USF3: variants seen among roughly 807,000 people sequenced by gnomAD.
The protein encoded by USF3 is upstream transcription factor family member 3.
A neutral mutation model predicts 157.5 loss-of-function variants in USF3; 29 were observed. That is an observed-to-expected ratio of 0.18 (90% CI 0.14 to 0.25). The LOEUF (loss-of-function observed/expected upper bound fraction) is 0.25. USF3 is among the 10% of genes least tolerant of loss of function. The probability of loss-of-function intolerance (pLI) is 1.00; values close to 1 mark genes in which losing one functional copy is unlikely to be tolerated. For synonymous variants in USF3, 893 were observed against 941.4 expected (o/e 0.95, Z 0.94); for missense variants, 2,381 against 2,667.6 (o/e 0.89, Z 2.37).
At chr3:113,675,111 G>A (rs1038350496) in intron 2 of USF3, among the ~76,000 whole-genome samples, 20 of 152,204 alleles carry the variant, frequency 1.3e-4, no homozygotes, top group Non-Finnish European at 5.9e-5. Flanking sequence ...TATCAAATGT[G>A]AGGTATAGCC....
rs1292632476 is a variant in USF3 at position 113,652,514 on chromosome 3, CT to C, written c.*2429del. 1 of 150,990 alleles carries C rather than the reference CT, an allele frequency of 6.6e-6. No homozygotes were observed. Among genetic ancestry groups the C allele is most frequent in the East Asian group, 2.0e-4 (1 of 5,118 alleles). The allele number at this position is 150,990 out of a possible 1,614,324, so 9.4% of individuals were successfully genotyped here. ...TGTATATTTTTTTGTCCCTAGGAAGCTGCTTAGTTGGCAGCAGAAAAGAGAC... is the reference window on the plus strand; with the variant it reads ...TGTATATTTTTTTGTCCCTAGGAAGCGCTTAGTTGGCAGCAGAAAAGAGAC... On this transcript the variant is annotated 3_prime_UTR_variant, in exon 7 of 7. Transcript: ENST00000316407.
In USF3 at chr3:113,649,352, C is replaced by T. The variant is rs1376797461; in HGVS notation, c.*5592G>A. 6.5e-6 allele frequency: 1 copy of T among 153,674 alleles called. No homozygotes were observed. Among genetic ancestry groups the T allele is most frequent in the Admixed American group, 6.5e-5 (1 of 15,320 alleles). The allele number at this position is 153,674 out of a possible 1,614,324, so 9.5% of individuals were successfully genotyped here. The stretch of plus-strand genomic sequence containing the variant: ...TATATTATGTCCAATGTTTACAACC[C>T]AAGTTGGCTCACGTTTATGAAGCAT... On this transcript the variant is annotated 3_prime_UTR_variant, in exon 7 of 7. Coordinates refer to ENST00000316407, the MANE Select transcript of USF3 (RefSeq NM_001009899.4).
chr3:113,658,781 A>C lies in USF3; in HGVS notation c.2901T>G (p.Thr967=), dbSNP rs762997835. The C allele has an allele frequency of 2.5e-6, 4 of 1,614,146 alleles. No homozygotes were observed. ...CCTCAGAAACACAGTCAGTACTTGT[A>C]GTGCTTGTTGTAGATGACAAACCAG... is the stretch of plus-strand genomic sequence containing the variant. The part of the protein sequence containing the change: ...QVPGLSSTTS[T]TSTDCVSEVE... Residue 967 remains threonine, a synonymous_variant, in exon 7 of 7, where the codon ACT becomes ACG. Transcript: ENST00000316407.
At chr3:113,668,977 C>G (rs1320225818) in intron 5 of USF3, among the ~76,000 whole-genome samples, 2 of 151,998 alleles carry the variant, frequency 1.3e-5, no homozygotes, top group Non-Finnish European at 2.9e-5. Flanking sequence ...TTACAGAAAA[C>G]TCTACTAAGA....
rs1332648440 is a variant in USF3, at chr3:113,657,123, T to G, written c.4559A>C (p.Gln1520Pro). 2 of 1,614,162 alleles carry G rather than the reference T, an allele frequency of 1.2e-6. No homozygotes were observed. Among genetic ancestry groups the G allele is most frequent in the African/African-American group, 1.3e-5 (1 of 75,046 alleles). The change falls in exon 7 of 7, where the codon CAG becomes CCG. Residue 1520 changes from glutamine (Q) to proline (P), a missense_variant. By Grantham distance (76) the Gln-to-Pro change is moderately conservative (BLOSUM62 -1). Around this residue, in one of 6 missense-constraint regions of USF3, gnomAD observed 50 missense variants for 79.7 expected, o/e 0.63. Transcript: ENST00000316407. ...AACAAGATTCCTCTTTTTCTGCATC[T>G]GAACTTCCTGTTGCAGAGTCCTCTG... is the stretch of plus-strand genomic sequence containing the variant. The part of the protein sequence containing the change: ...HQQRTLQQEV[Q>P]MQKKRNLVQG...
intron 1 of USF3, among the ~76,000 whole-genome samples, chr3:113,679,706 G>A (rs936610928): frequency 3.3e-5 from 5 of 152,004 alleles, no homozygotes; most frequent in Admixed American, 6.6e-5. Context: ...AAGCCACCAC[G>A]CCCAGCCTCA....
At position 113,656,463 on chromosome 3, in the gene USF3, C is replaced by T. The variant is rs769580250; in HGVS notation, c.5219G>A (p.Ser1740Asn). 1.9e-6 allele frequency: 3 copies of T among 1,614,214 alleles called. No homozygotes were observed. Among genetic ancestry groups the T allele is most frequent in the Non-Finnish European group, 1.7e-6 (2 of 1,180,038 alleles). The change falls in exon 7 of 7, where the codon AGT (serine) becomes AAT (asparagine). Residue 1740 changes from serine (S) to asparagine (N), a missense_variant. This residue lies in a region of USF3 where 770 missense variants were observed against 824.2 expected (regional missense o/e 0.93). Transcript: ENST00000316407. ...RLSDCQTFKP[S>N]GASQQPQSNF... ...ACTCTGGGGCTGTTGACTAGCTCCA[C>T]TTGGTTTAAACGTCTGACAATCAGA...
Position 113,655,666 on chromosome 3 carries a change from C to T in USF3, c.6016G>A (p.Val2006Ile), listed in dbSNP as rs9863796. The stretch of plus-strand genomic sequence containing the variant: ...AGATGGGGAAGACTTGGATCAAAGA[C>T]AGTACTTTGCCTTTGGTTTCCAGAA... The part of the protein sequence containing the change: ...NRSGNQRQST[V>I]FDPSLPHLPL... The change falls in exon 7 of 7, where the codon GTC (valine) becomes ATC (isoleucine). Residue 2006 changes from valine (V) to isoleucine (I), a missense_variant. This residue lies in a region of USF3 where 770 missense variants were observed against 824.2 expected (regional missense o/e 0.93). Transcript: ENST00000316407. 2.5e-6 allele frequency: 4 copies of T among 1,613,954 alleles called. No homozygotes were observed. The highest frequency in any genetic ancestry group is 1.3e-5 in the African/African-American group (1 of 74,924).
At chr3:113,686,154 C>T (rs1005554996) in intron 1 of USF3, among the ~76,000 whole-genome samples, 1 of 152,190 alleles carries the variant, frequency 6.6e-6, no homozygotes, top group African/African-American at 2.4e-5. Flanking sequence ...CTAGCTGGAA[C>T]TCATGTTCCA....
rs776387420 is a variant in USF3 at position 113,655,097 on chromosome 3, T to A, written c.6585A>T (p.Pro2195=). ...LSNFNMTSLF[P]EIATALPDGS... is the part of the protein sequence containing the mutation. ...CATCAGGAAGCGCTGTGGCTATTTCTGGAAACAAAGATGTCATATTAAAAT... is the reference window on the plus strand; with the variant it reads ...CATCAGGAAGCGCTGTGGCTATTTCAGGAAACAAAGATGTCATATTAAAAT... Residue 2195 remains proline, a synonymous_variant, in exon 7 of 7, where the codon CCA becomes CCT. Coordinates refer to ENST00000316407, the MANE Select transcript of USF3 (RefSeq NM_001009899.4). 5 of 1,614,104 alleles carry A rather than the reference T, an allele frequency of 3.1e-6. No individual in the cohort carries two copies. Among genetic ancestry groups the A allele is most frequent in the Non-Finnish European group, 4.2e-6 (5 of 1,180,040 alleles).
intron 1 of USF3, among the ~76,000 whole-genome samples, chr3:113,678,288 T>C (rs1020698699): frequency 6.6e-6 from 1 of 152,118 alleles, no homozygotes; most frequent in African/African-American, 2.4e-5. Context: ...TAATTTCACA[T>C]ATAATTAAGG....
At position 113,658,188 on chromosome 3, in the gene USF3, G is replaced by A. The variant is rs1034422165; in HGVS notation, c.3494C>T (p.Ser1165Phe). ...ADIREVASKP[S>F]EASLLEGDPP... ...GTCTCCCTCTAACAATGATGCTTCA[G>A]AAGGCTTTGAAGCAACTTCCCTTAT... The change falls in exon 7 of 7, where the codon TCT becomes TTT. Residue 1165 changes from serine to phenylalanine, a missense_variant. Transcript: ENST00000316407. 6.2e-7 allele frequency: 1 copy of A among 1,614,142 alleles called. No homozygotes were observed.
rs569314027 is a variant in USF3, at chr3:113,649,181, G to A, written c.*5763C>T. On this transcript the variant is annotated 3_prime_UTR_variant, in exon 7 of 7. Coordinates refer to ENST00000316407, the MANE Select transcript of USF3 (RefSeq NM_001009899.4). ...CTATGACATAGTACGGTGTTAGTAT[G>A]GTGTATAGCTGTATACACAACTGAG... is the stretch of plus-strand genomic sequence containing the variant. 1 of 152,214 alleles carries A rather than the reference G, an allele frequency of 6.6e-6. No homozygotes were observed. The highest frequency in any genetic ancestry group is 2.4e-5 in the African/African-American group (1 of 41,512). The allele number at this position is 152,214 out of a possible 1,614,324, so 9.4% of individuals were successfully genotyped here.
intron 1 of USF3, among the ~76,000 whole-genome samples, chr3:113,691,112 C>A (rs1275703770): frequency 6.6e-6 from 1 of 152,142 alleles, no homozygotes; most frequent in Admixed American, 6.5e-5. Context: ...TGGCTTGAGC[C>A]CAGGAGGCGA....
chr3:113,688,823 G>A (rs941174762), intron 1 of USF3, among the ~76,000 whole-genome samples: 13 of 152,108 alleles, frequency 8.5e-5, no homozygotes, highest in Middle Eastern at 6.8e-3. Flanking sequence ...GGTGGATCAC[G>A]AGGTCAGGAG....
rs768850908 is a variant in USF3, at chr3:113,657,024, C to T, written c.4658G>A (p.Gly1553Asp). 1 of 1,613,794 alleles carries T rather than the reference C, an allele frequency of 6.2e-7. No individual in the cohort carries two copies. Among genetic ancestry groups the T allele is most frequent in the Non-Finnish European group, 8.5e-7 (1 of 1,180,006 alleles). The stretch of plus-strand genomic sequence containing the variant: ...CTGCTGATGGTGGGGATGTGGCTGG[C>T]CAGTCTTGGATCGGGATTGGTCAGT... ...HGTDQSRSKTGQPHPHHQQMQ... is the reference protein window; with the variant it reads ...HGTDQSRSKTDQPHPHHQQMQ... The change falls in exon 7 of 7, where the codon GGC (glycine) becomes GAC (aspartate). Residue 1553 changes from glycine to aspartate, a missense_variant. Coordinates refer to ENST00000316407, the MANE Select transcript of USF3 (RefSeq NM_001009899.4).
chr3:113,664,964 C>T (rs1479192207), intron 5 of USF3, among the ~76,000 whole-genome samples: 1 of 152,184 alleles, frequency 6.6e-6, no homozygotes, highest in Non-Finnish European at 1.5e-5. Context: ...AATTGGCTGG[C>T]ACTTGATCTT....
Position 113,661,305 on chromosome 3 carries a change from T to C in USF3, c.377A>G (p.Lys126Arg). The change falls in exon 7 of 7, where the codon AAA becomes AGA. Residue 126 changes from lysine (K) to arginine (R), a missense_variant. This residue lies in a region of USF3 where 105 missense variants were observed against 158.6 expected (regional missense o/e 0.66). Coordinates refer to ENST00000316407, the MANE Select transcript of USF3 (RefSeq NM_001009899.4). ...CLYDDPTIHW[K>R]GNLKNSKVSV... ...GACCTTTGAGTTTTTAAGATTTCCT[T>C]TCCAGTGAATTGTCGGGTCATCATA... is the stretch of plus-strand genomic sequence containing the variant. 6.2e-7 allele frequency: 1 copy of C among 1,614,130 alleles called. No homozygotes were observed. The highest frequency in any genetic ancestry group is 8.5e-7 in the Non-Finnish European group (1 of 1,179,978).
In USF3 at chr3:113,659,732, T is replaced by G. The variant is rs370609211; in HGVS notation, c.1950A>C (p.Gln650His). The G allele has an allele frequency of 1.2e-6, 2 of 1,614,130 alleles. No homozygotes were observed. The highest frequency in any genetic ancestry group is 1.7e-5 in the Admixed American group (1 of 60,008). Residue 650 changes from glutamine to histidine, a missense_variant, in exon 7 of 7, where the codon CAA becomes CAC. Coordinates refer to ENST00000316407, the MANE Select transcript of USF3 (RefSeq NM_001009899.4). ...PSSLSASNST[Q>H]TFSVTMSNQQ... ...GGTTTGACATGGTAACAGAAAAAGT[T>G]TGTGTTGAGTTAGACGCTGATAAAG...
Sources: allele counts gnomAD v4.1 joint callset (sites outside exome capture counted in the v4.1 genomes callset), GRCh38; gene constraint gnomAD v4.1.1; regional missense constraint gnomAD v4.1.1; transcripts MANE v1.5; gene names NCBI Gene and HGNC (gene_info 2026-07-23, HGNC 2026-07-21).